SMIM31: variants seen among roughly 807,000 people sequenced by gnomAD.
SMIM31 encodes the protein human epithelial cell program regulator.
chr4:164,754,732 C>T (rs1732534697), intron 1 of SMIM31, among the ~76,000 whole-genome samples: 1 of 150,662 alleles, frequency 6.6e-6, no homozygotes, highest in South Asian at 2.1e-4. Flanking sequence ...GTATTTAATT[C>T]CAAGGTAGAA....
At chr4:164,797,470 T>TC (rs891977844) in intron 2 of SMIM31, among the ~76,000 whole-genome samples, 4 of 148,048 alleles carry the variant, frequency 2.7e-5, no homozygotes, top group African/African-American at 9.9e-5. Flanking sequence ...CTTTTCTTTT[T>TC]TTTTTTTTTT....
rs548131558 is a variant in SMIM31 at position 164,787,711 on chromosome 4, C to T, written c.113-13380C>T. 5.3e-5 allele frequency among the ~76,000 whole-genome samples: 8 copies of T among 152,076 alleles called. No individual in the cohort carries two copies. The East Asian group carries it at 1.5e-3, about 29-fold the overall frequency. On this transcript the variant is annotated intron_variant, in intron 2 of 2. Transcript: ENST00000507311. The stretch of plus-strand genomic sequence containing the variant: ...AATCCCGGCCTCCAAATCCCTACCT[C>T]TTTGAAAAAAATGTGTTTTATATAA...
intron 2 of SMIM31, among the ~76,000 whole-genome samples, chr4:164,786,996 T>A (rs1398698814): frequency 2.0e-5 from 3 of 152,224 alleles, no homozygotes; most frequent in African/African-American, 7.2e-5. Flanking sequence ...CACCAGTAAT[T>A]CTTTGCATAA....
chr4:164,788,854 C>T (rs1733064232), intron 2 of SMIM31, among the ~76,000 whole-genome samples: 1 of 152,040 alleles, frequency 6.6e-6, no homozygotes, highest in Non-Finnish European at 1.5e-5. Context: ...TTTTATATCT[C>T]CTTTAGAAAT....
intron 2 of SMIM31, among the ~76,000 whole-genome samples, chr4:164,785,022 G>A (rs893726343): frequency 1.3e-4 from 20 of 151,866 alleles, no homozygotes; most frequent in African/African-American, 2.9e-4. Context: ...TCAGGAGTTC[G>A]AAACCAGCTT....
Position 164,780,375 on chromosome 4 carries a change from C to T in SMIM31, c.112+9820C>T, listed in dbSNP as rs182454366. ...TCGGGAGGTGGAGGTTGCAGTGAGC[C>T]GAGATTGCGCCACTGCACTCCAGCC... On this transcript the variant is annotated intron_variant, in intron 2 of 2. Transcript: ENST00000507311. Among the ~76,000 whole-genome samples, 37 of 152,212 alleles carry T rather than the reference C, an allele frequency of 2.4e-4. 1 individual carries two copies. The East Asian group carries it at 6.0e-3, about 25-fold the overall frequency.
At chr4:164,754,461 T>C (rs562478799) in intron 1 of SMIM31, 50 bp downstream of exon 1, 8 of 149,080 alleles carry the variant, frequency 5.4e-5, no homozygotes, top group South Asian at 2.1e-4. Flanking sequence ...CTCTCTCTCT[T>C]TTTTTTTTTT....
chr4:164,792,681 A>G (rs1375390782), intron 2 of SMIM31, among the ~76,000 whole-genome samples: 1 of 152,206 alleles, frequency 6.6e-6, no homozygotes, highest in Admixed American at 6.5e-5. Flanking sequence ...TTCAGTACAC[A>G]TAAAAATCCA....
intron 2 of SMIM31, among the ~76,000 whole-genome samples, chr4:164,781,027 G>A (rs747268633): frequency 5.9e-5 from 9 of 151,794 alleles, no homozygotes; most frequent in African/African-American, 1.7e-4. Flanking sequence ...CAGGCAGGTC[G>A]CAAACTCCTG....
rs149696558 is a variant in SMIM31 at position 164,776,719 on chromosome 4, T to G, written c.112+6164T>G. Among the ~76,000 whole-genome samples the G allele has an allele frequency of 1.6e-3, 239 of 152,328 alleles. 5 individuals are homozygous for G. In the East Asian group the frequency reaches 0.044, roughly 28 times the overall value. ...AGCACCTAGAACACTATTTGGGAAA[T>G]AGGTGGTTTTCAGTAACTCATTACT... On this transcript the variant is annotated intron_variant, in intron 2 of 2. Coordinates refer to ENST00000507311, the MANE Select transcript of SMIM31 (RefSeq NM_001352885.1).
chr4:164,774,534 A>T (rs1732855803), intron 2 of SMIM31, among the ~76,000 whole-genome samples: 1 of 152,208 alleles, frequency 6.6e-6, no homozygotes, highest in Non-Finnish European at 1.5e-5. Flanking sequence ...GATGCTTTGA[A>T]TATTTTTTGC....
At chr4:164,765,034 T>C (rs965946732) in intron 1 of SMIM31, among the ~76,000 whole-genome samples, 9 of 152,316 alleles carry the variant, frequency 5.9e-5, no homozygotes, top group African/African-American at 2.2e-4. Flanking sequence ...TCAATCATTG[T>C]ATGGTGTCTG....
At chr4:164,796,408 T>C (rs1733196135) in intron 2 of SMIM31, among the ~76,000 whole-genome samples, 3 of 152,192 alleles carry the variant, frequency 2.0e-5, no homozygotes, top group Admixed American at 6.5e-5. Context: ...TTCCCCCTAA[T>C]GCTGGAGCGC....
chr4:164,780,530 G>T (rs1445272312), intron 2 of SMIM31, among the ~76,000 whole-genome samples: 3 of 152,240 alleles, frequency 2.0e-5, no homozygotes, highest in Non-Finnish European at 4.4e-5. Flanking sequence ...GTAGATCAAT[G>T]AATCCTAATA....
At chr4:164,759,369 T>C (rs912361681) in intron 1 of SMIM31, among the ~76,000 whole-genome samples, 3 of 152,176 alleles carry the variant, frequency 2.0e-5, no homozygotes, top group Non-Finnish European at 4.4e-5. Context: ...CTAATAATAA[T>C]AGCTATCATT....
chr4:164,768,785 G>A (rs894134411), intron 1 of SMIM31, among the ~76,000 whole-genome samples: 5 of 151,878 alleles, frequency 3.3e-5, no homozygotes, highest in East Asian at 1.9e-4. Context: ...GAAAACTGAC[G>A]GTAAAAATAA....
intron 1 of SMIM31, among the ~76,000 whole-genome samples, chr4:164,758,136 G>A (rs974312883): frequency 4.0e-5 from 6 of 151,888 alleles, no homozygotes; most frequent in Non-Finnish European, 8.8e-5. Context: ...TTTTTAAATT[G>A]TTGAATTCTA....
intron 2 of SMIM31, among the ~76,000 whole-genome samples, chr4:164,799,049 G>C (rs1039794435): frequency 3.3e-5 from 5 of 152,090 alleles, no homozygotes; most frequent in African/African-American, 7.2e-5. Context: ...CCACGCTTGG[G>C]CAGCCTGCAG....
intron 1 of SMIM31, among the ~76,000 whole-genome samples, chr4:164,762,441 G>A (rs914378917): frequency 6.6e-6 from 1 of 151,932 alleles, no homozygotes; most frequent in African/African-American, 2.4e-5. Flanking sequence ...ATCTGGCCAG[G>A]CGTGGTGGCT....
Sources: gnomAD v4.1 joint callset for allele counts (sites outside exome capture counted in the v4.1 genomes callset) on GRCh38, gnomAD v4.1.1 for gene constraint, MANE v1.5 for transcripts, NCBI Gene and HGNC (gene_info 2026-07-23, HGNC 2026-07-21) for gene names.